Variants in CNTNAP2 observed in about 807,000 individuals in gnomAD.
CNTNAP2 encodes contactin associated protein 2.
CNTNAP2 carries 98 observed loss-of-function variants against 155.2 expected under a neutral mutation model. That is an observed-to-expected ratio of 0.63 (90% CI 0.54 to 0.75). The LOEUF (loss-of-function observed/expected upper bound fraction) is 0.75. Ranked by LOEUF, CNTNAP2 falls within the 30% of genes least tolerant of loss-of-function variation. The probability of loss-of-function intolerance (pLI) is 0.00; values close to 1 mark genes in which losing one functional copy is unlikely to be tolerated. For synonymous variants in CNTNAP2, 651 were observed against 631.2 expected (o/e 1.03, Z -0.47); for missense variants, 1,727 against 1,688.1 (o/e 1.02, Z -0.40).
intron 11 of CNTNAP2, among the ~76,000 whole-genome samples, chr7:147,550,321 G>A (rs903826442): frequency 1.3e-4 from 20 of 152,210 alleles, no homozygotes; most frequent in African/African-American, 4.6e-4. Context: ...ATTGAATCAT[G>A]GGGTGGTTTC....
chr7:148,238,108 C>T (rs538097382), intron 20 of CNTNAP2, among the ~76,000 whole-genome samples: 1 of 152,078 alleles, frequency 6.6e-6, no homozygotes, highest in Non-Finnish European at 1.5e-5. Context: ...CCCAGCACTT[C>T]GGGAGGCCGA....
intron 9 of CNTNAP2, among the ~76,000 whole-genome samples, chr7:147,358,839 T>C (rs1257537482): frequency 6.6e-6 from 1 of 152,100 alleles, no homozygotes; most frequent in African/African-American, 2.4e-5. Context: ...ATTCATGTAC[T>C]CCCTAAGCAT....
intron 21 of CNTNAP2, among the ~76,000 whole-genome samples, chr7:148,369,643 C>CATTATTATTATTATT (rs10694264): frequency 1.2e-3 from 176 of 143,446 alleles, no homozygotes; most frequent in Middle Eastern, 3.7e-3. Flanking sequence ...TGTTCTTTAT[C>CATTATTATTATTATT]ATTATTATTA....
chr7:147,748,885 A>G (rs1375544591), intron 13 of CNTNAP2, among the ~76,000 whole-genome samples: 1 of 152,194 alleles, frequency 6.6e-6, no homozygotes, highest in African/African-American at 2.4e-5. Flanking sequence ...ACAAAAAGGA[A>G]GGGGACCAGA....
chr7:147,522,523 G>A (rs1180982834), intron 11 of CNTNAP2, among the ~76,000 whole-genome samples: 1 of 151,732 alleles, frequency 6.6e-6, no homozygotes, highest in Non-Finnish European at 1.5e-5. Flanking sequence ...AGTTGTAGCA[G>A]AGCCTATAAA....
intron 3 of CNTNAP2, among the ~76,000 whole-genome samples, chr7:146,987,708 CT>C (rs977577075): frequency 6.6e-6 from 1 of 151,922 alleles, no homozygotes; most frequent in Non-Finnish European, 1.5e-5. Context: ...CTACCAATGC[CT>C]AAATAACTAA....
chr7:147,976,973 AC>A (rs1801436123), intron 14 of CNTNAP2, among the ~76,000 whole-genome samples: 1 of 152,106 alleles, frequency 6.6e-6, no homozygotes, highest in Non-Finnish European at 1.5e-5. Flanking sequence ...TGTGCCTCCC[AC>A]CCATTCACTC....
intron 21 of CNTNAP2, among the ~76,000 whole-genome samples, chr7:148,318,141 G>A (rs976646700): frequency 4.6e-5 from 7 of 152,138 alleles, no homozygotes; most frequent in African/African-American, 1.7e-4. Flanking sequence ...TACTCTTGAG[G>A]ATCTGCCTCT....
chr7:147,173,074 C>T (rs1168295456), intron 8 of CNTNAP2, among the ~76,000 whole-genome samples: 1 of 152,120 alleles, frequency 6.6e-6, no homozygotes, highest in East Asian at 1.9e-4. Context: ...CAAGAAAACA[C>T]AACATTTACA....
chr7:148,383,848 G>A lies in CNTNAP2; in HGVS notation c.3675G>A (p.Ser1225=), dbSNP rs142331907. The stretch of plus-strand genomic sequence containing the variant: ...CGCCGCTGACCCTCTCCCCCATGTC[G>A]TCCGCCACCGACCCCTGGCACCTGG... ...GASPLTLSPM[S]SATDPWHLDH... is the part of the protein sequence containing the mutation. Residue 1225 remains serine, a synonymous_variant, in exon 22 of 24, where the codon TCG becomes TCA. Coordinates refer to ENST00000361727, the MANE Select transcript of CNTNAP2 (RefSeq NM_014141.6). 1,095 of 1,613,876 alleles carry A rather than the reference G, an allele frequency of 6.8e-4. 8 individuals are homozygous for A. The African/African-American group carries it at 0.012, about 18-fold the overall frequency.
chr7:146,683,814 G>A (rs917669018), intron 1 of CNTNAP2, among the ~76,000 whole-genome samples: 15 of 152,138 alleles, frequency 9.9e-5, no homozygotes, highest in Admixed American at 3.9e-4. Context: ...GTATTTCAAA[G>A]GACAGCCTGT....
chr7:146,785,426 T>C (rs767012143), intron 2 of CNTNAP2, among the ~76,000 whole-genome samples: 1 of 152,230 alleles, frequency 6.6e-6, no homozygotes, highest in Non-Finnish European at 1.5e-5. Flanking sequence ...GCTGTACTTA[T>C]GCAGGTTTGA....
rs894490106 is a variant in CNTNAP2 at position 147,025,210 on chromosome 7, C to T, written c.403-18697C>T. On this transcript the variant is annotated intron_variant, in intron 3 of 23. Transcript: ENST00000361727. Reference sequence around the variant, plus strand: ...CTGAGACAAGAGAATCGCTTGAACCCGGGAAGCGGATGTTTCAGTAAGCCG... The same window carrying T: ...CTGAGACAAGAGAATCGCTTGAACCTGGGAAGCGGATGTTTCAGTAAGCCG... Among the ~76,000 whole-genome samples, 13 of 143,372 alleles carry T rather than the reference C, an allele frequency of 9.1e-5. 1 individual carries two copies. Among genetic ancestry groups the T allele is most frequent in the South Asian group, 4.8e-4 (2 of 4,162 alleles). The allele number at this position is 143,372 out of a possible 152,430, so 94.1% of individuals were successfully genotyped here.
chr7:146,961,832 A>G (rs974240892), intron 3 of CNTNAP2, among the ~76,000 whole-genome samples: 1 of 152,142 alleles, frequency 6.6e-6, no homozygotes, highest in Non-Finnish European at 1.5e-5. Context: ...TGAAAAATGA[A>G]TCATTCTCTG....
rs55983110 is a variant in CNTNAP2 at position 147,421,585 on chromosome 7, C to CTGTGTGTGTGTGTGTGTGTGTGTG, written c.1670+25811_1670+25834dup. Among the ~76,000 whole-genome samples, 694 of 143,582 alleles carry CTGTGTGTGTGTGTGTGTGTGTGTG rather than the reference C, an allele frequency of 4.8e-3. 9 individuals are homozygous for CTGTGTGTGTGTGTGTGTGTGTGTG. The highest frequency in any genetic ancestry group is 0.015 in the African/African-American group (572 of 38,208). 94.2% of individuals were successfully genotyped at this position (143,582 alleles called of 152,430 possible). A position where few individuals can be genotyped will look rare whatever the true frequency, so the allele number is the denominator to read the frequency against. ...ATATGTCCTGGTATGTCTATCTAATCTGTGTGTGTGTGTGTGTGTGTGTGT... is the reference window on the plus strand; with the variant it reads ...ATATGTCCTGGTATGTCTATCTAATCTGTGTGTGTGTGTGTGTGTGTGTGTGTGTGTGTGTGTGTGTGTGTGTGT... On this transcript the variant is annotated intron_variant, in intron 10 of 23. Transcript: ENST00000361727.
intron 15 of CNTNAP2, among the ~76,000 whole-genome samples, chr7:148,083,548 C>G (rs1354692053): frequency 1.3e-5 from 2 of 152,172 alleles, no homozygotes; most frequent in Admixed American, 1.3e-4. Context: ...ATGTTTTACT[C>G]CCTGAAGAGA....
At chr7:148,205,402 C>T (rs1211619207) in intron 18 of CNTNAP2, among the ~76,000 whole-genome samples, 1 of 152,228 alleles carries the variant, frequency 6.6e-6, no homozygotes, top group Non-Finnish European at 1.5e-5. Context: ...CAGAAGCAAA[C>T]TGAGGCAGAG....
intron 9 of CNTNAP2, among the ~76,000 whole-genome samples, chr7:147,384,390 C>T (rs1034477060): frequency 2.0e-5 from 3 of 152,024 alleles, no homozygotes; most frequent in Non-Finnish European, 4.4e-5. Context: ...ATGTATCCTA[C>T]GATTTTTAGG....
intron 1 of CNTNAP2, among the ~76,000 whole-genome samples, chr7:146,370,016 G>A (rs1795210355): frequency 6.6e-6 from 1 of 151,808 alleles, no homozygotes; most frequent in Non-Finnish European, 1.5e-5. Flanking sequence ...TTATTCTGGA[G>A]TAAGAAGTGA....
Sources: gnomAD v4.1 joint callset for allele counts (sites outside exome capture counted in the v4.1 genomes callset) on GRCh38, gnomAD v4.1.1 for gene constraint, MANE v1.5 for transcripts, NCBI Gene and HGNC (gene_info 2026-07-23, HGNC 2026-07-21) for gene names.